The following SYNE1 variants were observed in gnomAD, a reference collection of about 807,000 sequenced individuals.
SYNE1 encodes the protein spectrin repeat containing nuclear envelope protein 1.
A neutral mutation model predicts 1,111.0 loss-of-function variants in SYNE1; 616 were observed. That is an observed-to-expected ratio of 0.55 (90% CI 0.52 to 0.59). The LOEUF (loss-of-function observed/expected upper bound fraction) is 0.59. Among genes scored for constraint, SYNE1 ranks in the 20% least tolerant of loss-of-function variants. SYNE1 has a pLI of 0.00. For synonymous variants in SYNE1, 3,855 were observed against 3,825.8 expected, an observed-to-expected ratio of 1.01 and a Z score of -0.28; for missense variants, 10,006 against 10,417.0, an observed-to-expected ratio of 0.96 and a Z score of 1.72.
chr6:152,485,767 TAACAC>T (rs1301650638), intron 12 of SYNE1, among the ~76,000 whole-genome samples: 1 of 152,156 alleles, frequency 6.6e-6, no homozygotes, highest in Admixed American at 6.5e-5. Flanking sequence ...AGTTAGCAGA[TAACAC>T]AACTAAAAGA....
chr6:152,426,706 G>T (rs2098362556), intron 38 of SYNE1, among the ~76,000 whole-genome samples: 1 of 152,236 alleles, frequency 6.6e-6, no homozygotes, highest in African/African-American at 2.4e-5. Flanking sequence ...TGCCCTTTAT[G>T]GTCAGGGCGG....
chr6:152,130,201 T>A (rs2055124385), intron 145 of SYNE1, among the ~76,000 whole-genome samples: 1 of 152,128 alleles, frequency 6.6e-6, no homozygotes, highest in Admixed American at 6.5e-5. Context: ...AAGGTACTTA[T>A]AAATTTCCAA....
In SYNE1 at chr6:152,461,739, T is replaced by G; in HGVS notation, c.2252A>C (p.Asp751Ala). 2 of 1,614,010 alleles carry G rather than the reference T, an allele frequency of 1.2e-6. No individual in the cohort carries two copies. The highest frequency in any genetic ancestry group is 1.7e-6 in the Non-Finnish European group (2 of 1,179,944). Residue 751 changes from aspartate to alanine, a missense_variant and splice_region_variant, in exon 21 of 146, where the codon GAT becomes GCT. By Grantham distance (126) the Asp-to-Ala change is moderately radical. Coordinates refer to ENST00000367255, the MANE Select transcript of SYNE1 (RefSeq NM_182961.4). ...NVKLLIQDLE[D>A]IEQRVPVMDA... ...CATCACAGGCACCCTCTGCTCAATATCCTGCATGAATCATTGAAACAGCCA... is the reference window on the plus strand; with the variant it reads ...CATCACAGGCACCCTCTGCTCAATAGCCTGCATGAATCATTGAAACAGCCA...
At position 152,149,468 on chromosome 6, in the gene SYNE1, G is replaced by A; in HGVS notation, c.24642+9C>T. ...TTTAATGACAACTAAGAAAATCAAT[G>A]TTACATACAGGCAGGCGGATCAGTT... is the stretch of plus-strand genomic sequence containing the variant. On this transcript the variant is annotated intron_variant, in intron 136 of 145. Coordinates refer to ENST00000367255, the MANE Select transcript of SYNE1 (RefSeq NM_182961.4). The A allele has an allele frequency of 6.2e-7, 1 of 1,614,100 alleles. No individual in the cohort carries two copies. Among genetic ancestry groups the A allele is most frequent in the Admixed American group, 1.7e-5 (1 of 60,024 alleles).
intron 3 of SYNE1, among the ~76,000 whole-genome samples, chr6:152,616,196 G>A (rs9371619): frequency 0.061 from 9,264 of 152,026 alleles, 424 homozygotes; most frequent in East Asian, 0.17. Context: ...TTTTGAACCC[G>A]GAAAGATAAA....
chr6:152,315,206 T>C, intron 87 of SYNE1: 3 of 141,250 alleles, frequency 2.1e-5, no homozygotes, highest in Admixed American at 7.0e-5. Context: ...ACTTTTTTTT[T>C]TTTTTTTTTT....
intron 64 of SYNE1, among the ~76,000 whole-genome samples, chr6:152,361,526 T>C (rs2096930422): frequency 6.6e-6 from 1 of 152,168 alleles, no homozygotes; most frequent in East Asian, 1.9e-4. Flanking sequence ...AGGTTTCCAA[T>C]GTAATATATT....
chr6:152,330,437 C>T lies in SYNE1; in HGVS notation c.14248G>A (p.Asp4750Asn). 6.2e-7 allele frequency: 1 copy of T among 1,614,178 alleles called. No homozygotes were observed. The highest frequency in any genetic ancestry group is 8.5e-7 in the Non-Finnish European group (1 of 1,180,040). ...AAGGTGACAAGGTGCAGCATCTTGT[C>T]TGGCTGCCAAGGCTGACCTGTGCTG... ...FRSTGQPWQP[D>N]KMLHLVTLYH... Residue 4750 changes from aspartate to asparagine, a missense_variant, in exon 78 of 146, where the codon GAC becomes AAC. Transcript: ENST00000367255.
chr6:152,595,516 T>C (rs2099578575), intron 3 of SYNE1, among the ~76,000 whole-genome samples: 2 of 152,212 alleles, frequency 1.3e-5, no homozygotes, highest in South Asian at 4.1e-4. Context: ...CTATCTCAAG[T>C]AGGATTGTAG....
chr6:152,341,562 G>A (rs541102950), intron 74 of SYNE1, among the ~76,000 whole-genome samples: 6 of 152,326 alleles, frequency 3.9e-5, no homozygotes, highest in East Asian at 3.9e-4. Flanking sequence ...AGCGGGGAGT[G>A]TATTATCTTC....
At chr6:152,172,036 T>C (rs1364282938) in intron 130 of SYNE1, among the ~76,000 whole-genome samples, 1 of 152,172 alleles carries the variant, frequency 6.6e-6, no homozygotes, top group African/African-American at 2.4e-5. Flanking sequence ...GAGGCAATTA[T>C]AATAAATATA....
In SYNE1 at chr6:152,391,374, A is replaced by G; in HGVS notation, c.7907T>C (p.Met2636Thr). 1 of 1,614,038 alleles carries G rather than the reference A, an allele frequency of 6.2e-7. No homozygotes were observed. Residue 2636 changes from methionine to threonine, a missense_variant, in exon 52 of 146, where the codon ATG (methionine) becomes ACG (threonine). Met to Thr is a moderately conservative substitution (Grantham distance 81). Coordinates refer to ENST00000367255, the MANE Select transcript of SYNE1 (RefSeq NM_182961.4). ...HEALEEALQSMWFWVKAIQDR... is the reference protein window; with the variant it reads ...HEALEEALQSTWFWVKAIQDR... ...CTGAATGGCCTTCACCCAGAACCACATGCTTTGCAGTGCTTCCTCCAGGGC... is the reference window on the plus strand; with the variant it reads ...CTGAATGGCCTTCACCCAGAACCACGTGCTTTGCAGTGCTTCCTCCAGGGC...
At chr6:152,341,859 T>C (rs372516979) in intron 74 of SYNE1, among the ~76,000 whole-genome samples, 8 of 152,182 alleles carry the variant, frequency 5.3e-5, no homozygotes, top group African/African-American at 1.9e-4. Context: ...TGACATTATT[T>C]GAGGACCTGC....
At chr6:152,441,025 G>T in intron 32 of SYNE1, 105 bp downstream of exon 32, 1 of 1,373,812 alleles carries the variant, frequency 7.3e-7, no homozygotes, top group Non-Finnish European at 1.0e-6. Flanking sequence ...AGTAAGTATT[G>T]ATTAAATTAA....
intron 3 of SYNE1, among the ~76,000 whole-genome samples, chr6:152,605,287 G>A (rs377108638): frequency 1.3e-5 from 2 of 152,142 alleles, no homozygotes; most frequent in East Asian, 1.9e-4. Flanking sequence ...ATGAAATCTT[G>A]TATCTTCCAG....
intron 3 of SYNE1, among the ~76,000 whole-genome samples, chr6:152,622,310 T>G (rs1306596710): frequency 6.6e-6 from 1 of 152,144 alleles, no homozygotes; most frequent in Non-Finnish European, 1.5e-5. Flanking sequence ...TGTGCAGGTA[T>G]GTTACATAGG....
At chr6:152,279,147 C>CTTTTTTTTTTTTT (rs59520598) in intron 97 of SYNE1, among the ~76,000 whole-genome samples, 2 of 112,684 alleles carry the variant, frequency 1.8e-5, no homozygotes, top group African/African-American at 3.3e-5. Flanking sequence ...CTTTTCTTTT[C>CTTTTTTTTTTTTT]TTTTTTTTTT....
At chr6:152,332,078 G>A (rs1174668430) in intron 77 of SYNE1, among the ~76,000 whole-genome samples, 188 bp from the exon 78 acceptor site, 2 of 152,250 alleles carry the variant, frequency 1.3e-5, no homozygotes, top group East Asian at 1.9e-4. Flanking sequence ...AGGTTCAAGC[G>A]ATTCTCCTGC....
chr6:152,469,180 C>G (rs779342848), intron 16 of SYNE1, among the ~76,000 whole-genome samples: 49 of 152,112 alleles, frequency 3.2e-4, no homozygotes, highest in Non-Finnish European at 6.6e-4. Flanking sequence ...TTTTCAGCCT[C>G]TTTGAAATAG....
Sources: gnomAD v4.1 joint callset for allele counts (sites outside exome capture counted in the v4.1 genomes callset) on GRCh38, gnomAD v4.1.1 for gene constraint, MANE v1.5 for transcripts, NCBI Gene and HGNC (gene_info 2026-07-23, HGNC 2026-07-21) for gene names.